ME3: variants seen among roughly 807,000 people sequenced by gnomAD.
The protein encoded by ME3 is malic enzyme 3, also known as NADP-dependent malic enzyme, mitochondrial.
In ME3, 48 loss-of-function variants were observed where a neutral mutation model predicts 68.9. That is an observed-to-expected ratio of 0.70 (90% CI 0.55 to 0.89). The LOEUF (loss-of-function observed/expected upper bound fraction) is 0.89. Ranked by LOEUF, ME3 falls within the 40% of genes least tolerant of loss-of-function variation. The pLI is 0.00. For synonymous variants in ME3, 320 were observed against 318.8 expected (o/e 1.00, Z -0.04); for missense variants, 675 against 797.4 (o/e 0.85, Z 1.85).
At chr11:86,607,968 G>C (rs1163230942) in intron 2 of ME3, among the ~76,000 whole-genome samples, 1 of 152,122 alleles carries the variant, frequency 6.6e-6, no homozygotes, top group Non-Finnish European at 1.5e-5. Context: ...CTGGGTGCCA[G>C]AAGTACCTAT....
At chr11:86,445,974 C>G (rs1361492893) in intron 13 of ME3, among the ~76,000 whole-genome samples, 1 of 152,078 alleles carries the variant, frequency 6.6e-6, no homozygotes, top group Non-Finnish European at 1.5e-5. Flanking sequence ...GTCCACAAGC[C>G]CTCAGTTTCA....
chr11:86,508,146 T>C (rs1414717188), intron 5 of ME3, among the ~76,000 whole-genome samples: 1 of 152,122 alleles, frequency 6.6e-6, no homozygotes, highest in Non-Finnish European at 1.5e-5. Flanking sequence ...CACACTGCTG[T>C]GTACTCCCAG....
chr11:86,573,621 TTTCTTTCTC>T (rs1957927905), intron 2 of ME3, among the ~76,000 whole-genome samples: 1 of 151,956 alleles, frequency 6.6e-6, no homozygotes, highest in African/African-American at 2.4e-5. Flanking sequence ...ATACACTTTA[TTTCTTTCTC>T]TTGTCTGATT....
intron 2 of ME3, among the ~76,000 whole-genome samples, chr11:86,656,833 C>T (rs1311785830): frequency 6.7e-6 from 1 of 148,834 alleles, no homozygotes; most frequent in East Asian, 1.9e-4. Context: ...CTAAAGAAGA[C>T]ACTAATGCGG....
intron 2 of ME3, among the ~76,000 whole-genome samples, chr11:86,662,330 G>C (rs1311163496): frequency 6.6e-6 from 1 of 152,166 alleles, no homozygotes; most frequent in Non-Finnish European, 1.5e-5. Flanking sequence ...TGTCATATAA[G>C]AACAATAACA....
At chr11:86,598,957 C>T (rs1356461739) in intron 2 of ME3, among the ~76,000 whole-genome samples, 1 of 152,150 alleles carries the variant, frequency 6.6e-6, no homozygotes, top group Non-Finnish European at 1.5e-5. Context: ...CTGTACATCA[C>T]CATCATCAAA....
At chr11:86,658,595 T>A (rs141656420) in intron 2 of ME3, among the ~76,000 whole-genome samples, 95 of 152,248 alleles carry the variant, frequency 6.2e-4, no homozygotes, top group Middle Eastern at 6.8e-3. Context: ...CACAGAACAT[T>A]GAATAGCTCA....
intron 2 of ME3, among the ~76,000 whole-genome samples, chr11:86,645,556 G>A (rs1351425236): frequency 6.6e-6 from 1 of 152,206 alleles, no homozygotes; most frequent in Non-Finnish European, 1.5e-5. Flanking sequence ...CCAGTCAGGG[G>A]CTTATAGATA....
At chr11:86,595,107 G>A (rs1959201279) in intron 2 of ME3, among the ~76,000 whole-genome samples, 2 of 144,966 alleles carry the variant, frequency 1.4e-5, no homozygotes, top group African/African-American at 5.1e-5. Context: ...AGAGGATGTT[G>A]AGGACTTTGA....
At chr11:86,516,210 A>G (rs991911730) in intron 4 of ME3, among the ~76,000 whole-genome samples, 1 of 152,176 alleles carries the variant, frequency 6.6e-6, no homozygotes, top group African/African-American at 2.4e-5. Context: ...ACTTCAGGGA[A>G]TCAATTTTGG....
chr11:86,474,120 C>T (rs1391244399), intron 7 of ME3, among the ~76,000 whole-genome samples: 2 of 152,158 alleles, frequency 1.3e-5, no homozygotes, highest in Non-Finnish European at 2.9e-5. Flanking sequence ...CTCTGAGGCC[C>T]TTCCCTTCCC....
At chr11:86,497,004 C>T (rs936988421) in intron 6 of ME3, among the ~76,000 whole-genome samples, 2 of 152,088 alleles carry the variant, frequency 1.3e-5, no homozygotes, top group Non-Finnish European at 2.9e-5. Context: ...TTATTTGAGA[C>T]AGAGTCTTGC....
At chr11:86,652,910 C>T (rs1450220332) in intron 2 of ME3, among the ~76,000 whole-genome samples, 1 of 128,310 alleles carries the variant, frequency 7.8e-6, no homozygotes. Flanking sequence ...ATCAACCAGG[C>T]AAATGGAAAA....
intron 6 of ME3, chr11:86,489,125 A>G (rs1951851571): frequency 6.6e-6 from 1 of 152,196 alleles, no homozygotes; most frequent in Admixed American, 6.5e-5. Flanking sequence ...CACCAAAAAT[A>G]TAAGTTCCTA....
intron 4 of ME3, among the ~76,000 whole-genome samples, chr11:86,552,722 G>T (rs1205475961): frequency 6.6e-6 from 1 of 152,196 alleles, no homozygotes; most frequent in East Asian, 1.9e-4. Flanking sequence ...GTAGTCCTCT[G>T]CCCTCCAGCT....
intron 2 of ME3, among the ~76,000 whole-genome samples, chr11:86,626,701 T>C (rs528148913): frequency 2.6e-5 from 4 of 152,382 alleles, no homozygotes; most frequent in Non-Finnish European, 4.4e-5. Flanking sequence ...TTGTTGCATT[T>C]TCTTTCTAAC....
chr11:86,506,324 T>C (rs1017536614), intron 5 of ME3, among the ~76,000 whole-genome samples: 3 of 152,340 alleles, frequency 2.0e-5, no homozygotes, highest in Non-Finnish European at 4.4e-5. Flanking sequence ...TCTCAAAATA[T>C]GTTTATTGAA....
intron 2 of ME3, among the ~76,000 whole-genome samples, chr11:86,601,919 A>G (rs1297877474): frequency 7.0e-6 from 1 of 142,918 alleles, no homozygotes; most frequent in African/African-American, 2.6e-5. Flanking sequence ...CATGCTAAAA[A>G]CTCTCAATAA....
downstream of ME3, chr11:86,437,406 A>G (rs1948903989): frequency 6.6e-6 from 1 of 152,158 alleles, no homozygotes; most frequent in South Asian, 2.1e-4. Flanking sequence ...TTGACATTGA[A>G]TAGGGCACTT....
Sources: gnomAD v4.1 joint callset for allele counts (sites outside exome capture counted in the v4.1 genomes callset) on GRCh38, gnomAD v4.1.1 for gene constraint, MANE v1.5 for transcripts, NCBI Gene and HGNC (gene_info 2026-07-23, HGNC 2026-07-21) for gene names.